Variants in CSMD1 observed in about 807,000 individuals in gnomAD.
CSMD1 encodes the protein CUB and Sushi multiple domains 1.
In CSMD1, 213 loss-of-function variants were observed where a neutral mutation model predicts 417.5. That is an observed-to-expected ratio of 0.51 (90% CI 0.46 to 0.57). The LOEUF (loss-of-function observed/expected upper bound fraction) is 0.57, where lower values mean the gene tolerates loss of function less well. CSMD1 is among the 20% of genes least tolerant of loss of function. The pLI is 0.00. For missense variants in CSMD1, 6,923 were observed against 4,529.7 expected (o/e 1.53, Z -15.17); for synonymous variants, 2,862 against 1,736.8 (o/e 1.65, Z -16.11).
At chr8:4,062,388 G>A (rs1404835689) in intron 3 of CSMD1, among the ~76,000 whole-genome samples, 6 of 152,034 alleles carry the variant, frequency 3.9e-5, no homozygotes, top group African/African-American at 1.2e-4. Flanking sequence ...AGCAATAAGA[G>A]GGCAATGAGA....
Position 3,938,590 on chromosome 8 carries a change from G to A in CSMD1, c.818+59313C>T, listed in dbSNP as rs115612080. Among the ~76,000 whole-genome samples the A allele has an allele frequency of 6.2e-3, 943 of 152,230 alleles. 14 individuals carry two copies. Among genetic ancestry groups the A allele is most frequent in the African/African-American group, 0.022 (915 of 41,554 alleles). On this transcript the variant is annotated intron_variant, in intron 5 of 69. Transcript: ENST00000635120. ...ATCTCTTTTTTTCAGGCATTTCTTG[G>A]AAATCATGCTGTAGACCCCGAATAA...
intron 3 of CSMD1, among the ~76,000 whole-genome samples, chr8:4,036,025 T>C (rs1290044821): frequency 1.3e-5 from 2 of 152,200 alleles, no homozygotes; most frequent in African/African-American, 2.4e-5. Context: ...TTTCTATGTT[T>C]AGAGACACAT....
chr8:3,818,283 C>T lies in CSMD1; in HGVS notation c.819-64241G>A, dbSNP rs1471270571. On this transcript the variant is annotated intron_variant, in intron 5 of 69. Transcript: ENST00000635120. ...GTGCTTCACCCTCTCTATTCAGAGCCACAGGGTGTAGTGGGAGAGAAGAAC... is the reference window on the plus strand; with the variant it reads ...GTGCTTCACCCTCTCTATTCAGAGCTACAGGGTGTAGTGGGAGAGAAGAAC... Among the ~76,000 whole-genome samples the T allele has an allele frequency of 6.6e-5, 10 of 152,210 alleles. No homozygotes were observed. The East Asian group carries it at 1.9e-3, about 30-fold the overall frequency.
intron 3 of CSMD1, among the ~76,000 whole-genome samples, chr8:4,301,677 T>A (rs1337868113): frequency 6.6e-6 from 1 of 152,242 alleles, no homozygotes; most frequent in Non-Finnish European, 1.5e-5. Flanking sequence ...AATTAGGGCA[T>A]GGACCAGATT....
At chr8:3,939,415 G>A (rs1810724851) in intron 5 of CSMD1, among the ~76,000 whole-genome samples, 1 of 152,100 alleles carries the variant, frequency 6.6e-6, no homozygotes, top group South Asian at 2.1e-4. Context: ...ACTGGTGTGT[G>A]TATAAACTAC....
intron 12 of CSMD1, among the ~76,000 whole-genome samples, chr8:3,426,074 G>C (rs1419488725): frequency 6.6e-6 from 1 of 152,196 alleles, no homozygotes; most frequent in South Asian, 2.1e-4. Flanking sequence ...CTGTGAAAAT[G>C]TAAAAAAGCA....
intron 50 of CSMD1, among the ~76,000 whole-genome samples, chr8:3,033,967 G>T (rs1227388155): frequency 1.3e-5 from 2 of 152,042 alleles, no homozygotes; most frequent in Non-Finnish European, 2.9e-5. Flanking sequence ...CCCATCGCGG[G>T]CCCCAGACTA....
chr8:4,781,388 T>C (rs987009761), intron 1 of CSMD1, among the ~76,000 whole-genome samples: 1 of 152,230 alleles, frequency 6.6e-6, no homozygotes, highest in Non-Finnish European at 1.5e-5. Flanking sequence ...TCTATAGTCA[T>C]TTATCTTACC....
intron 3 of CSMD1, among the ~76,000 whole-genome samples, chr8:4,115,763 T>G (rs1001595995): frequency 1.3e-5 from 2 of 151,618 alleles, no homozygotes; most frequent in African/African-American, 4.8e-5. Context: ...TAAAAAGAAA[T>G]AAGCTATCAA....
chr8:4,301,596 T>C (rs186076769), intron 3 of CSMD1, among the ~76,000 whole-genome samples: 127 of 152,348 alleles, frequency 8.3e-4, no homozygotes, highest in Non-Finnish European at 1.6e-3. Context: ...TTTGTCAAGA[T>C]TGTATAAGCT....
At chr8:4,575,912 T>C (rs898001221) in intron 2 of CSMD1, among the ~76,000 whole-genome samples, 1 of 152,176 alleles carries the variant, frequency 6.6e-6, no homozygotes, top group African/African-American at 2.4e-5. Flanking sequence ...TTGTGATCGT[T>C]CCAGTGTAAA....
At chr8:4,119,012 G>T (rs146986463) in intron 3 of CSMD1, among the ~76,000 whole-genome samples, 118 of 152,200 alleles carry the variant, frequency 7.8e-4, no homozygotes, top group African/African-American at 2.4e-3. Context: ...AACACCACAT[G>T]TTCTCACTCA....
chr8:3,847,159 C>A (rs1021657250), intron 5 of CSMD1, among the ~76,000 whole-genome samples: 2 of 152,056 alleles, frequency 1.3e-5, no homozygotes, highest in African/African-American at 4.8e-5. Flanking sequence ...TGGCTTTTAA[C>A]CAATAATGCC....
chr8:3,847,667 C>T (rs1481511384), intron 5 of CSMD1, among the ~76,000 whole-genome samples: 1 of 152,084 alleles, frequency 6.6e-6, no homozygotes, highest in African/African-American at 2.4e-5. Context: ...TGCTGCATTT[C>T]TGGTCATTTG....
At chr8:4,893,651 C>CGA (rs1307913692) in intron 1 of CSMD1, among the ~76,000 whole-genome samples, 1 of 151,952 alleles carries the variant, frequency 6.6e-6, no homozygotes, top group Admixed American at 6.5e-5. Context: ...TATGAGAAGC[C>CGA]GAACTTCTTT....
chr8:4,196,423 G>C (rs145477364), intron 3 of CSMD1, among the ~76,000 whole-genome samples: 17 of 152,070 alleles, frequency 1.1e-4, no homozygotes, highest in Non-Finnish European at 2.1e-4. Flanking sequence ...GCGTTTTCAG[G>C]CTACAGTCCT....
At chr8:4,123,913 C>G (rs776672273) in intron 3 of CSMD1, among the ~76,000 whole-genome samples, 2 of 152,060 alleles carry the variant, frequency 1.3e-5, no homozygotes, top group Non-Finnish European at 2.9e-5. Flanking sequence ...TTCACAATCT[C>G]TTACAAAGAA....
chr8:3,566,755 T>G (rs1799730088), intron 10 of CSMD1, among the ~76,000 whole-genome samples: 1 of 152,138 alleles, frequency 6.6e-6, no homozygotes, highest in Admixed American at 6.5e-5. Context: ...TTGGAATGGC[T>G]ATTATTAAAA....
At chr8:4,105,517 G>C (rs61117628) in intron 3 of CSMD1, among the ~76,000 whole-genome samples, 5,837 of 152,226 alleles carry the variant, frequency 0.038, 393 homozygotes, top group African/African-American at 0.13. Flanking sequence ...GCTTCATTAA[G>C]CTTATTTTCT....
Sources: allele counts gnomAD v4.1 joint callset (sites outside exome capture counted in the v4.1 genomes callset), GRCh38; gene constraint gnomAD v4.1.1; transcripts MANE v1.5; gene names NCBI Gene and HGNC (gene_info 2026-07-23, HGNC 2026-07-21).